PSD3: variants seen among roughly 807,000 people sequenced by gnomAD.
The protein encoded by PSD3 is pleckstrin and Sec7 domain containing 3.
In PSD3, 49 loss-of-function variants were observed where a neutral mutation model predicts 105.5. The ratio of observed to expected loss-of-function variants is 0.46; its 90% confidence interval spans 0.37 to 0.59. PSD3 has a LOEUF of 0.59. PSD3 is among the 20% of genes least tolerant of loss of function. The pLI is 0.00. For missense variants in PSD3, 1,561 were observed against 1,263.8 expected, an observed-to-expected ratio of 1.24 and a Z score of -3.57; for synonymous variants, 557 against 457.8, an observed-to-expected ratio of 1.22 and a Z score of -2.77.
chr8:18,599,990 CTAGT>C (rs1444833574), intron 12 of PSD3, among the ~76,000 whole-genome samples: 4 of 152,042 alleles, frequency 2.6e-5, no homozygotes, highest in African/African-American at 4.8e-5. Context: ...TTCTCTGGGG[CTAGT>C]AAGTAAAATA....
chr8:18,582,152 G>A (rs7004614), intron 12 of PSD3, among the ~76,000 whole-genome samples: 114,987 of 152,030 alleles, frequency 0.76, 45,464 homozygotes, highest in South Asian at 0.92. Flanking sequence ...ATGAGAAAAA[G>A]AGGAGTGGAG....
chr8:18,627,844 A>G (rs1806604855), intron 11 of PSD3, among the ~76,000 whole-genome samples: 1 of 151,996 alleles, frequency 6.6e-6, no homozygotes, highest in Non-Finnish European at 1.5e-5. Flanking sequence ...GCCAGCAGAA[A>G]AAAAATAATG....
At chr8:18,991,722 T>A (rs1472250784) in intron 1 of PSD3, among the ~76,000 whole-genome samples, 2 of 152,200 alleles carry the variant, frequency 1.3e-5, no homozygotes, top group African/African-American at 4.8e-5. Flanking sequence ...TAAAGACATT[T>A]TGTCTGAGCT....
At chr8:18,984,038 C>T (rs747298981) in intron 1 of PSD3, among the ~76,000 whole-genome samples, 3 of 149,512 alleles carry the variant, frequency 2.0e-5, no homozygotes, top group African/African-American at 7.4e-5. Context: ...AATCACTGAT[C>T]GCAGATCATA....
In PSD3 at chr8:18,528,015, A is replaced by G. The variant is rs1224637915; in HGVS notation, c.*7728T>C. On this transcript the variant is annotated 3_prime_UTR_variant, in exon 16 of 16. Coordinates refer to ENST00000327040, the MANE Select transcript of PSD3 (RefSeq NM_015310.4). ...CCAATTAGTTTGAGCCACAGTGAAT[A>G]TAACTCAGTTATTATAATAGGCTGG... is the stretch of plus-strand genomic sequence containing the variant. 6.6e-6 allele frequency: 1 copy of G among 152,258 alleles called. No homozygotes were observed. Among genetic ancestry groups the G allele is most frequent in the Non-Finnish European group, 1.5e-5 (1 of 68,050 alleles). 9.4% of individuals were successfully genotyped at this position (152,258 alleles called of 1,614,324 possible).
At chr8:18,596,077 G>A (rs1200408001) in intron 12 of PSD3, among the ~76,000 whole-genome samples, 1 of 151,818 alleles carries the variant, frequency 6.6e-6, no homozygotes, top group Non-Finnish European at 1.5e-5. Context: ...CAAAGAAAGG[G>A]AAGTAGAAAT....
At chr8:19,074,735 C>T (rs1353107287) in intron 1 of PSD3, among the ~76,000 whole-genome samples, 2 of 149,624 alleles carry the variant, frequency 1.3e-5, no homozygotes, top group South Asian at 2.1e-4. Context: ...ATTCTCCTGC[C>T]TCAGCCTCCC....
intron 1 of PSD3, among the ~76,000 whole-genome samples, chr8:18,996,749 A>G (rs1483981966): frequency 2.0e-5 from 3 of 151,670 alleles, no homozygotes; most frequent in Non-Finnish European, 4.4e-5. Context: ...TCTTTGCAAT[A>G]TTTTTCTACA....
chr8:18,616,331 T>C (rs1018565533), intron 11 of PSD3, among the ~76,000 whole-genome samples: 1 of 152,234 alleles, frequency 6.6e-6, no homozygotes, highest in Non-Finnish European at 1.5e-5. Flanking sequence ...ATTTTTGAGA[T>C]GGCCTTTCAG....
At chr8:19,039,453 C>G (rs964846263) in intron 1 of PSD3, among the ~76,000 whole-genome samples, 2 of 152,204 alleles carry the variant, frequency 1.3e-5, no homozygotes, top group Non-Finnish European at 2.9e-5. Context: ...TTCATCTCCT[C>G]CTCCTGACTC....
At chr8:18,966,996 A>C (rs1824299687) in intron 1 of PSD3, among the ~76,000 whole-genome samples, 3 of 152,156 alleles carry the variant, frequency 2.0e-5, no homozygotes, top group Non-Finnish European at 4.4e-5. Context: ...AGAACAAAGC[A>C]ACTTAAGAGG....
rs141047337 is a variant in PSD3 at position 19,011,034 on chromosome 8, T to G, written c.21+2529A>C. Among the ~76,000 whole-genome samples, 189 of 151,760 alleles carry G rather than the reference T, an allele frequency of 1.2e-3. 1 individual carries two copies. Among genetic ancestry groups the G allele is most frequent in the African/African-American group, 4.5e-3 (185 of 41,344 alleles). ...CACAGACTTTGGTCACCAGATTATT[T>G]TTTACAGTCTGACCCAACTTCAATC... On this transcript the variant is annotated intron_variant, in intron 1 of 15. Transcript: ENST00000327040.
At chr8:18,741,329 A>G (rs1276190950) in intron 9 of PSD3, among the ~76,000 whole-genome samples, 12 of 152,196 alleles carry the variant, frequency 7.9e-5, no homozygotes, top group African/African-American at 2.9e-4. Flanking sequence ...GCCCAATGTC[A>G]CAATGCCAGT....
intron 9 of PSD3, among the ~76,000 whole-genome samples, chr8:18,674,221 C>T (rs1799948648): frequency 6.6e-6 from 1 of 152,052 alleles, no homozygotes. Context: ...GGTCGACTTA[C>T]TAATTTTAGA....
chr8:18,897,845 T>G (rs1250680494), intron 2 of PSD3, among the ~76,000 whole-genome samples: 1 of 152,240 alleles, frequency 6.6e-6, no homozygotes, highest in Non-Finnish European at 1.5e-5. Flanking sequence ...TTTTTCTAAG[T>G]TGATTTTGTA....
At chr8:18,783,682 G>T (rs913228284) in intron 8 of PSD3, among the ~76,000 whole-genome samples, 1 of 152,190 alleles carries the variant, frequency 6.6e-6, no homozygotes, top group Non-Finnish European at 1.5e-5. Context: ...TGCCCAGGCT[G>T]GAGTGCAGTG....
intron 9 of PSD3, among the ~76,000 whole-genome samples, chr8:18,712,931 C>T (rs533069261): frequency 2.0e-5 from 3 of 152,144 alleles, no homozygotes; most frequent in African/African-American, 7.2e-5. Context: ...AAAAACTTAT[C>T]CACCATGATG....
intron 1 of PSD3, among the ~76,000 whole-genome samples, chr8:18,993,330 C>T (rs777833366): frequency 7.2e-5 from 11 of 152,194 alleles, no homozygotes; most frequent in Non-Finnish European, 1.2e-4. Context: ...TCACCACTCA[C>T]ATACCTGTTC....
intron 1 of PSD3, 101 bp downstream of exon 1, chr8:19,013,462 G>T: frequency 6.6e-7 from 1 of 1,522,300 alleles, no homozygotes; most frequent in Non-Finnish European, 8.9e-7. Context: ...GGTGGCCCCG[G>T]GATCCTGGGG....
Sources: allele counts gnomAD v4.1 joint callset (sites outside exome capture counted in the v4.1 genomes callset), GRCh38; gene constraint gnomAD v4.1.1; transcripts MANE v1.5; gene names NCBI Gene and HGNC (gene_info 2026-07-23, HGNC 2026-07-21).